The following HEXB variants were observed in gnomAD, a reference collection of about 807,000 sequenced individuals.
HEXB encodes hexosaminidase subunit beta, also known as beta-hexosaminidase subunit beta.
Under a neutral mutation model 71.2 loss-of-function variants are expected in HEXB, and 51 were observed. The ratio of observed to expected loss-of-function variants is 0.72; its 90% CI spans 0.57 to 0.90. The LOEUF (loss-of-function observed/expected upper bound fraction) is 0.90, where lower values mean the gene tolerates loss of function less well. Ranked by LOEUF, HEXB falls within the 40% of genes least tolerant of loss-of-function variation. HEXB has a pLI of 0.00. For missense variants in HEXB, 617 were observed against 677.0 expected (o/e 0.91, Z 0.98); for synonymous variants, 266 against 249.3 (o/e 1.07, Z -0.63).
In HEXB at chr5:74,685,308, G is replaced by C. The variant is rs1748833314; in HGVS notation, c.48G>C (p.Ala16=). The change falls in exon 1 of 14, where the codon GCG becomes GCC. Residue 16 remains alanine, a synonymous_variant. Coordinates refer to ENST00000261416, the MANE Select transcript of HEXB (RefSeq NM_000521.4). The part of the protein sequence containing the change: ...LGLPRPPMLL[A]LLLATLLAAM... Reference sequence around the variant, plus strand: ...TGCCCCGGCCGCCCATGCTGCTGGCGCTGCTGTTGGCGACACTGCTGGCGG... The same window carrying C: ...TGCCCCGGCCGCCCATGCTGCTGGCCCTGCTGTTGGCGACACTGCTGGCGG... 6.4e-7 allele frequency: 1 copy of C among 1,564,540 alleles called. No individual in the cohort carries two copies. Among genetic ancestry groups the C allele is most frequent in the Non-Finnish European group, 8.6e-7 (1 of 1,158,302 alleles).
At chr5:74,667,743 T>C (rs1748459838) in intron 1 of HEXB, among the ~76,000 whole-genome samples, 1 of 152,210 alleles carries the variant, frequency 6.6e-6, no homozygotes, top group Admixed American at 6.5e-5. Context: ...TTTCGCTAAC[T>C]GATCCAATCA....
intron 1 of HEXB, among the ~76,000 whole-genome samples, chr5:74,671,431 T>C (rs1256080413): frequency 1.3e-5 from 2 of 151,498 alleles, no homozygotes; most frequent in African/African-American, 4.9e-5. Context: ...AAAAAAGCCA[T>C]ATGGTACATT....
At chr5:74,657,651 AG>A (rs1258950629) in intron 1 of HEXB, among the ~76,000 whole-genome samples, 3 of 152,236 alleles carry the variant, frequency 2.0e-5, no homozygotes, top group African/African-American at 7.2e-5. Flanking sequence ...ATGGAGAGTT[AG>A]CTATTCATCA....
Position 74,679,123 on chromosome 5 carries a change from T to C in HEXB, c.-376-10205T>C, listed in dbSNP as rs372837212. On this transcript the variant is annotated intron_variant, in intron 1 of 13. Transcript: ENST00000511181. The stretch of plus-strand genomic sequence containing the variant: ...CTACACAGCAATAGATAAATAATCC[T>C]TGGGATATATAAACTGATACTTGGA... 1.1e-4 allele frequency among the ~76,000 whole-genome samples: 16 copies of C among 152,300 alleles called. No homozygotes were observed. In the East Asian group the frequency reaches 1.7e-3, roughly 17 times the overall value.
chr5:74,709,792 A>G (rs1171025599), intron 6 of HEXB, among the ~76,000 whole-genome samples: 3 of 152,238 alleles, frequency 2.0e-5, no homozygotes, highest in Non-Finnish European at 4.4e-5. Context: ...TTGTGGCAAT[A>G]ATCAATAGCT....
rs766472552 is a variant in HEXB, at chr5:74,720,433, CAG to C, written c.1425_1426del (p.Lys476ThrfsTer21). The C allele has an allele frequency of 6.2e-7, 1 of 1,606,688 alleles. No individual in the cohort carries two copies. Among genetic ancestry groups the C allele is most frequent in the Non-Finnish European group, 8.5e-7 (1 of 1,173,302 alleles). The stretch of plus-strand genomic sequence containing the variant: ...ATTCAATGATTTTAATTTAGGTACT[CAG>C]AAACAGAAACAACTTTTCATTGGTG... ...KVEPLDFGGT[Q>X]KQKQLFIGGE... On this transcript the variant is annotated frameshift_variant, in exon 12 of 14. Coordinates refer to ENST00000261416, the MANE Select transcript of HEXB (RefSeq NM_000521.4). LOFTEE classifies it high-confidence loss of function.
chr5:74,664,430 TAAAAAA>T (rs397998152), intron 1 of HEXB, among the ~76,000 whole-genome samples: 2 of 79,630 alleles, frequency 2.5e-5, no homozygotes, highest in Admixed American at 1.4e-4. Context: ...ATTCTATCTC[TAAAAAA>T]AAAAAAAAAA....
intron 1 of HEXB, among the ~76,000 whole-genome samples, chr5:74,685,829 G>T (rs1031050362): frequency 8.5e-5 from 13 of 152,116 alleles, no homozygotes; most frequent in Non-Finnish European, 1.9e-4. Flanking sequence ...GGCCTTGTTG[G>T]GCAAATGGCA....
rs1271841334 is a variant in HEXB, at chr5:74,700,702, T to TTTTA, written c.669+3615_669+3618dup. On this transcript the variant is annotated intron_variant, in intron 5 of 13. Coordinates refer to ENST00000261416, the MANE Select transcript of HEXB (RefSeq NM_000521.4). ...TTTATAATGCCTGTAGACATTTACA[T>TTTTA]TTTATTTATTTATTTATTTATTGAG... 2.0e-4 allele frequency among the ~76,000 whole-genome samples: 31 copies of TTTTA among 152,128 alleles called. 1 individual carries two copies. The highest frequency in any genetic ancestry group is 1.2e-3 in the South Asian group (6 of 4,824).
At chr5:74,659,807 T>G (rs1394845386) in intron 1 of HEXB, among the ~76,000 whole-genome samples, 1 of 152,212 alleles carries the variant, frequency 6.6e-6, no homozygotes, top group Admixed American at 6.5e-5. Flanking sequence ...AAATTGAATT[T>G]TGATGAGAAT....
In HEXB at chr5:74,696,716, G is replaced by C. The variant is rs932030765; in HGVS notation, c.535G>C (p.Val179Leu). ...AGGTTTAGAGACCTTTAGCCAGTTA[G>C]TTTATCAAGATTCTTATGGAACTGT... Reference protein sequence around the residue: ...LRGLETFSQLVYQDSYGTFTI... With the variant: ...LRGLETFSQLLYQDSYGTFTI... The change falls in exon 4 of 14, where the codon GTT becomes CTT. Residue 179 changes from valine to leucine, a missense_variant. Val to Leu is a conservative substitution (Grantham distance 32, BLOSUM62 1). Transcript: ENST00000261416. The C allele has an allele frequency of 6.9e-7, 1 of 1,449,146 alleles. No homozygotes were observed. Among genetic ancestry groups the C allele is most frequent in the Non-Finnish European group, 9.7e-7 (1 of 1,030,860 alleles). 89.8% of individuals were successfully genotyped at this position (1,449,146 alleles called of 1,614,324 possible). A position where few individuals can be genotyped will look rare whatever the true frequency, so the allele number is the denominator to read the frequency against.
intron 6 of HEXB, among the ~76,000 whole-genome samples, chr5:74,712,936 T>C (rs1403374336): frequency 6.6e-6 from 1 of 152,018 alleles, no homozygotes; most frequent in Non-Finnish European, 1.5e-5. Flanking sequence ...AAAAAACAAG[T>C]CACTTATTCT....
At position 74,685,492 on chromosome 5, in the gene HEXB, T is replaced by C; in HGVS notation, c.232T>C (p.Tyr78His). 1 of 1,610,230 alleles carries C rather than the reference T, an allele frequency of 6.2e-7. No individual in the cohort carries two copies. ...NLLHLAPENF[Y>H]ISHSPNSTAG... ...GCTGCATCTCGCCCCGGAGAACTTC[T>C]ACATCAGCCACAGCCCCAATTCCAC... The change falls in exon 1 of 14, where the codon TAC becomes CAC. Residue 78 changes from tyrosine to histidine, a missense_variant. By Grantham distance (83) the Tyr-to-His change is moderately conservative (BLOSUM62 2). Coordinates refer to ENST00000261416, the MANE Select transcript of HEXB (RefSeq NM_000521.4).
upstream of HEXB, among the ~76,000 whole-genome samples, chr5:74,683,748 T>C (rs977672406): frequency 1.3e-5 from 2 of 151,888 alleles, no homozygotes; most frequent in Admixed American, 1.3e-4. Context: ...GTTCCAAGTA[T>C]TCAACATGCC....
chr5:74,685,576 C>A lies in HEXB; in HGVS notation c.299+17C>A. The A allele has an allele frequency of 6.5e-7, 1 of 1,530,556 alleles. No homozygotes were observed. The highest frequency in any genetic ancestry group is 1.8e-4 in the Middle Eastern group (1 of 5,630). 94.8% of individuals were successfully genotyped at this position (1,530,556 alleles called of 1,614,324 possible). A position where few individuals can be genotyped will look rare whatever the true frequency, so the allele number is the denominator to read the frequency against. The stretch of plus-strand genomic sequence containing the variant: ...GTTTCGACGGTGAGCGCTCCCGGCC[C>A]GGCCGGGAGTTGTCCTGGGGGAGGG... On this transcript the variant is annotated intron_variant, in intron 1 of 13. Coordinates refer to ENST00000261416, the MANE Select transcript of HEXB (RefSeq NM_000521.4).
At chr5:74,653,755 C>T (rs2112078829) in intron 1 of HEXB, among the ~76,000 whole-genome samples, 1 of 152,144 alleles carries the variant, frequency 6.6e-6, no homozygotes, top group East Asian at 1.9e-4. Context: ...GGATTGTACA[C>T]TCTGCTGACC....
At chr5:74,705,634 C>A in intron 6 of HEXB, 2 of 305,064 alleles carry the variant, frequency 6.6e-6, no homozygotes, top group South Asian at 3.7e-5. Context: ...ATCAAGTTGT[C>A]CAACAGTGTA....
intron 1 of HEXB, among the ~76,000 whole-genome samples, chr5:74,655,864 A>G (rs1748209025): frequency 6.6e-6 from 1 of 152,226 alleles, no homozygotes; most frequent in Admixed American, 6.5e-5. Context: ...ATCAAGTGAC[A>G]TGCCTGAGAT....
chr5:74,698,592 A>G (rs917475499), intron 5 of HEXB, among the ~76,000 whole-genome samples: 18 of 148,278 alleles, frequency 1.2e-4, no homozygotes, highest in African/African-American at 4.2e-4. Flanking sequence ...GGGTTTCACC[A>G]TGTTAGCCAG....
Sources: gnomAD v4.1 joint callset for allele counts (sites outside exome capture counted in the v4.1 genomes callset) on GRCh38, gnomAD v4.1.1 for gene constraint, MANE v1.5 for transcripts, NCBI Gene and HGNC (gene_info 2026-07-23, HGNC 2026-07-21) for gene names.